KCNQ5: variants seen among roughly 807,000 people sequenced by gnomAD.
The protein encoded by KCNQ5 is potassium voltage-gated channel subfamily KQT member 5.
KCNQ5 carries 30 observed loss-of-function variants against 98.2 expected under a neutral mutation model. The ratio of observed to expected loss-of-function variants is 0.31; its 90% CI spans 0.23 to 0.41. The LOEUF (loss-of-function observed/expected upper bound fraction) is 0.41. Among genes scored for constraint, KCNQ5 ranks in the 10% least tolerant of loss-of-function variants. The probability of loss-of-function intolerance (pLI) is 1.00; values close to 1 mark genes in which losing one functional copy is unlikely to be tolerated. For synonymous variants in KCNQ5, 458 were observed against 449.4 expected, an observed-to-expected ratio of 1.02 and a Z score of -0.24; for missense variants, 835 against 1,182.5, an observed-to-expected ratio of 0.71 and a Z score of 4.31.
intron 1 of KCNQ5, among the ~76,000 whole-genome samples, chr6:72,881,590 C>T (rs988349367): frequency 6.6e-6 from 1 of 152,010 alleles, no homozygotes; most frequent in African/African-American, 2.4e-5. Flanking sequence ...AGGATGTGAC[C>T]AACTATAATT....
chr6:72,842,070 T>C (rs574402633), intron 1 of KCNQ5, among the ~76,000 whole-genome samples: 1 of 152,330 alleles, frequency 6.6e-6, no homozygotes. Flanking sequence ...TAGTAAATTC[T>C]ATTAACTGGA....
At chr6:72,846,419 C>T (rs778498790) in intron 1 of KCNQ5, among the ~76,000 whole-genome samples, 4 of 152,010 alleles carry the variant, frequency 2.6e-5, no homozygotes, top group Non-Finnish European at 4.4e-5. Flanking sequence ...CACAGTGGCT[C>T]ACACCTGTAA....
chr6:73,028,638 C>G (rs939476477), intron 2 of KCNQ5, among the ~76,000 whole-genome samples: 2 of 152,180 alleles, frequency 1.3e-5, no homozygotes, highest in Non-Finnish European at 2.9e-5. Flanking sequence ...AAGAAGTGCA[C>G]TTTCTCTCTC....
chr6:73,010,994 T>C (rs947483870), intron 2 of KCNQ5, among the ~76,000 whole-genome samples: 15 of 152,200 alleles, frequency 9.9e-5, no homozygotes, highest in African/African-American at 3.6e-4. Flanking sequence ...ATGATGTTTC[T>C]TGCAGAAATA....
intron 1 of KCNQ5, among the ~76,000 whole-genome samples, chr6:72,799,965 T>A (rs1166542100): frequency 2.0e-5 from 3 of 152,162 alleles, no homozygotes; most frequent in African/African-American, 7.2e-5. Context: ...TTATATCATA[T>A]GTTCTATTTA....
intron 3 of KCNQ5, among the ~76,000 whole-genome samples, chr6:73,062,164 A>G (rs934860428): frequency 2.0e-5 from 3 of 152,130 alleles, no homozygotes; most frequent in Non-Finnish European, 4.4e-5. Context: ...GGGCTTTTGA[A>G]GCTTTCTTGT....
chr6:72,786,535 G>T (rs1773750411), intron 1 of KCNQ5, among the ~76,000 whole-genome samples: 1 of 152,124 alleles, frequency 6.6e-6, no homozygotes, highest in Non-Finnish European at 1.5e-5. Context: ...AAAGGTAGTG[G>T]CTTCTCTAGT....
chr6:72,945,856 G>C (rs903005217), intron 1 of KCNQ5, among the ~76,000 whole-genome samples: 1 of 151,950 alleles, frequency 6.6e-6, no homozygotes, highest in Non-Finnish European at 1.5e-5. Flanking sequence ...AGAGACTGAG[G>C]GGGAGAAAAG....
intron 1 of KCNQ5, among the ~76,000 whole-genome samples, chr6:72,946,533 T>C (rs570451557): frequency 1.3e-5 from 2 of 152,336 alleles, no homozygotes; most frequent in African/African-American, 4.8e-5. Flanking sequence ...GTTATGTTTT[T>C]ATGTAATGGT....
intron 1 of KCNQ5, among the ~76,000 whole-genome samples, chr6:72,856,248 T>C (rs914327474): frequency 2.0e-5 from 3 of 152,186 alleles, no homozygotes; most frequent in African/African-American, 7.2e-5. Context: ...AATTTTTTCA[T>C]TGCAGTAATC....
At chr6:72,896,929 T>C (rs559211885) in intron 1 of KCNQ5, among the ~76,000 whole-genome samples, 1 of 150,340 alleles carries the variant, frequency 6.7e-6, no homozygotes, top group Admixed American at 6.8e-5. Flanking sequence ...GTCCTGGTTT[T>C]TTGTTTGTTT....
chr6:72,721,483 A>G (rs1049759176), intron 1 of KCNQ5, among the ~76,000 whole-genome samples: 1 of 151,934 alleles, frequency 6.6e-6, no homozygotes, highest in Non-Finnish European at 1.5e-5. Flanking sequence ...GAAGACATTT[A>G]CATGTCATAG....
At chr6:72,998,937 G>C (rs539909482) in intron 1 of KCNQ5, among the ~76,000 whole-genome samples, 1 of 152,112 alleles carries the variant, frequency 6.6e-6, no homozygotes, top group Non-Finnish European at 1.5e-5. Flanking sequence ...GCTAAGTTCA[G>C]GGAGATGTCT....
chr6:72,883,305 A>ATGTTGT (rs565781521), intron 1 of KCNQ5, among the ~76,000 whole-genome samples: 4 of 151,934 alleles, frequency 2.6e-5, no homozygotes, highest in Non-Finnish European at 4.4e-5. Context: ...CAAAAGAACA[A>ATGTTGT]TGTTGTTGTT....
At chr6:72,634,920 C>T (rs2098923161) in intron 1 of KCNQ5, among the ~76,000 whole-genome samples, 1 of 152,102 alleles carries the variant, frequency 6.6e-6, no homozygotes, top group Admixed American at 6.6e-5. Flanking sequence ...ACTAGTGGAA[C>T]TATTTGAATG....
At chr6:73,051,178 A>T (rs986437015) in intron 3 of KCNQ5, among the ~76,000 whole-genome samples, 2 of 152,230 alleles carry the variant, frequency 1.3e-5, no homozygotes, top group African/African-American at 4.8e-5. Flanking sequence ...CATGGAGGTC[A>T]GCAGCCCCAC....
chr6:72,845,041 T>C (rs890273401), intron 1 of KCNQ5, among the ~76,000 whole-genome samples: 1 of 152,198 alleles, frequency 6.6e-6, no homozygotes, highest in South Asian at 2.1e-4. Context: ...AAATCATACC[T>C]TGGATGGGAT....
At chr6:72,857,525 C>T (rs1371871014) in intron 1 of KCNQ5, among the ~76,000 whole-genome samples, 1 of 152,112 alleles carries the variant, frequency 6.6e-6, no homozygotes, top group African/African-American at 2.4e-5. Flanking sequence ...AGGATGAAGC[C>T]TTTTCAATTG....
chr6:73,114,038 AC>A (rs1775378076), intron 7 of KCNQ5, among the ~76,000 whole-genome samples: 1 of 152,206 alleles, frequency 6.6e-6, no homozygotes, highest in Non-Finnish European at 1.5e-5. Context: ...AGTAGAATCT[AC>A]TAATTTTAAA....
Sources: allele counts gnomAD v4.1 joint callset (sites outside exome capture counted in the v4.1 genomes callset), GRCh38; gene constraint gnomAD v4.1.1; transcripts MANE v1.5; gene names NCBI Gene and HGNC (gene_info 2026-07-23, HGNC 2026-07-21).